Variants in USP22 observed in about 807,000 individuals in gnomAD.
USP22 encodes the protein ubiquitin specific peptidase 22.
In USP22, 22 loss-of-function variants were observed where a neutral mutation model predicts 68.1. The observed-to-expected ratio is 0.32, with a 90% CI of 0.23 to 0.46. USP22 has a LOEUF of 0.46. USP22 is among the 20% of genes least tolerant of loss of function. USP22 has a pLI of 1.00. For missense variants in USP22, 433 were observed against 695.8 expected, an observed-to-expected ratio of 0.62 and a Z score of 4.25; for synonymous variants, 279 against 274.2, an observed-to-expected ratio of 1.02 and a Z score of -0.17.
intron 2 of USP22, 134 bp from the exon 3 acceptor site, chr17:21,021,360 A>T (rs1422644869): frequency 1.5e-6 from 1 of 646,986 alleles, no homozygotes; most frequent in Non-Finnish European, 2.8e-6. Flanking sequence ...ACAAGCAGGG[A>T]AGCCAGTCCA....
chr17:21,011,119 A>G, intron 8 of USP22, 32 bp downstream of exon 8: 1 of 1,550,998 alleles, frequency 6.4e-7, no homozygotes, highest in Non-Finnish European at 8.7e-7. Flanking sequence ...GCCAGGAGAC[A>G]CGCCCCCGCC....
intron 2 of USP22, among the ~76,000 whole-genome samples, chr17:21,027,974 A>G (rs2143612069): frequency 6.6e-6 from 1 of 152,304 alleles, no homozygotes; most frequent in East Asian, 1.9e-4. Context: ...TCTCAAAAAA[A>G]AGAAAAAGCC....
At chr17:21,030,533 A>G (rs1046862229) in intron 1 of USP22, among the ~76,000 whole-genome samples, 1 of 152,218 alleles carries the variant, frequency 6.6e-6, no homozygotes, top group African/African-American at 2.4e-5. Context: ...ACTCTGGCCA[A>G]CGCCACCCTA....
At chr17:21,027,872 G>A (rs1016837928) in intron 2 of USP22, among the ~76,000 whole-genome samples, 4 of 152,148 alleles carry the variant, frequency 2.6e-5, no homozygotes, top group Non-Finnish European at 5.9e-5. Context: ...GGAGGCTGAG[G>A]CAGGAGAACT....
chr17:21,043,302 C>CCCCCCCCCCCCCCCCCCCCCCCCCG (rs1567596616), upstream of USP22: 4 of 47,548 alleles, frequency 8.4e-5, no homozygotes, highest in Non-Finnish European at 2.4e-4. Flanking sequence ...GTAGGCCACC[C>CCCCCCCCCCCCCCCCCCCCCCCCCG]CCCCCCCCCC....
intron 1 of USP22, among the ~76,000 whole-genome samples, chr17:21,039,922 T>C (rs995454688): frequency 6.6e-6 from 1 of 152,034 alleles, no homozygotes; most frequent in Admixed American, 6.6e-5. Flanking sequence ...ACCAAAAATA[T>C]GGCTGGGCTC....
chr17:21,040,240 T>C (rs1360819281), intron 1 of USP22, among the ~76,000 whole-genome samples: 1 of 152,244 alleles, frequency 6.6e-6, no homozygotes, highest in Non-Finnish European at 1.5e-5. Flanking sequence ...ACAGATCTGA[T>C]GGAAATCCTA....
At chr17:21,031,588 CT>C (rs1972292042) in intron 1 of USP22, among the ~76,000 whole-genome samples, 1 of 145,930 alleles carries the variant, frequency 6.9e-6, no homozygotes, top group African/African-American at 2.6e-5. Context: ...CCATTATAGT[CT>C]CTCTCTACTA....
chr17:21,011,183 C>T lies in USP22; in HGVS notation c.1071G>A (p.Ser357=), dbSNP rs1308723884. 9 of 1,609,242 alleles carry T rather than the reference C, an allele frequency of 5.6e-6. No individual in the cohort carries two copies. Among genetic ancestry groups the T allele is most frequent in the African/African-American group, 2.7e-5 (2 of 74,870 alleles). ...GGCAGTCCGTGAGCGTGGTGGTTCC[C>T]GACACGTGGCTTTCCCCGTTTACCA... ...GNVVNGESHV[S]GTTTLTDCLR... Residue 357 remains serine (S), a synonymous_variant, in exon 8 of 13, where the codon TCG becomes TCA. Transcript: ENST00000261497.
Position 21,022,343 on chromosome 17 carries a change from GCTTT to G in USP22, c.305-1121_305-1118del, listed in dbSNP as rs575038139. 4.6e-5 allele frequency among the ~76,000 whole-genome samples: 7 copies of G among 151,256 alleles called. No homozygotes were observed. In the South Asian group the frequency reaches 1.1e-3, roughly 23 times the overall value. On this transcript the variant is annotated intron_variant, in intron 2 of 12. Transcript: ENST00000261497. ...TTTTATGGAAATAAGATCCACTTTT[GCTTT>G]CTTTGTTAAAAGTAATAATTTGTAA...
chr17:21,014,005 C>T (rs1026244449), intron 6 of USP22, among the ~76,000 whole-genome samples: 10 of 152,162 alleles, frequency 6.6e-5, no homozygotes, highest in African/African-American at 1.9e-4. Context: ...ACCTGGGAGG[C>T]GGAGGTTGCA....
chr17:21,012,799 G>C (rs756075552), intron 7 of USP22, 31 bp downstream of exon 7: 8 of 1,595,026 alleles, frequency 5.0e-6, no homozygotes, highest in Admixed American at 3.3e-5. Flanking sequence ...CAGAGGGTTT[G>C]ATATTGCCGA....
chr17:21,021,369 C>T, intron 2 of USP22, 143 bp from the exon 3 acceptor site: 4 of 633,268 alleles, frequency 6.3e-6, no homozygotes, highest in Non-Finnish European at 8.6e-6. Flanking sequence ...GAAGCCAGTC[C>T]AGCGGAGTCT....
intron 4 of USP22, chr17:21,018,346 G>A: frequency 4.7e-6 from 2 of 422,568 alleles, no homozygotes; most frequent in Non-Finnish European, 8.4e-6. Flanking sequence ...TGCTTTGACA[G>A]AATTACACAA....
At position 21,001,218 on chromosome 17, in the gene USP22, CAACAGAAAATG is replaced by C. The variant is rs1490503353; in HGVS notation, c.*1802_*1812del. Reference sequence around the variant, plus strand: ...TGTGAATTCTTTAAGTGCAGAAAAACAACAGAAAATGAACAGAGCACGTGGGCAAGAAACCG... The same window carrying C: ...TGTGAATTCTTTAAGTGCAGAAAAACAACAGAGCACGTGGGCAAGAAACCG... On this transcript the variant is annotated 3_prime_UTR_variant, in exon 13 of 13. Coordinates refer to ENST00000261497, the MANE Select transcript of USP22 (RefSeq NM_015276.2). 1 of 152,116 alleles carries C rather than the reference CAACAGAAAATG, an allele frequency of 6.6e-6. No homozygotes were observed. The highest frequency in any genetic ancestry group is 2.4e-5 in the African/African-American group (1 of 41,422). 9.4% of individuals were successfully genotyped at this position (152,116 alleles called of 1,614,324 possible).
At chr17:21,032,317 TAAAC>T (rs1317788384) in intron 1 of USP22, among the ~76,000 whole-genome samples, 2 of 152,192 alleles carry the variant, frequency 1.3e-5, no homozygotes, top group African/African-American at 4.8e-5. Context: ...ATCCTGTTGT[TAAAC>T]AATGCCAACA....
intron 1 of USP22, among the ~76,000 whole-genome samples, chr17:21,038,595 G>T (rs1297339152): frequency 6.6e-6 from 1 of 151,162 alleles, no homozygotes; most frequent in African/African-American, 2.4e-5. Context: ...TGGACCCCAG[G>T]AACTCGAGGC....
rs1913609055 is a variant in USP22 at position 21,002,247 on chromosome 17, C to T, written c.*784G>A. The stretch of plus-strand genomic sequence containing the variant: ...GGGCGGGCAGCAACATAAACGGCAC[C>T]CATTAAAAAGCAAGACTCGCTCTTG... On this transcript the variant is annotated 3_prime_UTR_variant, in exon 13 of 13. Coordinates refer to ENST00000261497, the MANE Select transcript of USP22 (RefSeq NM_015276.2). 6.6e-6 allele frequency: 1 copy of T among 152,192 alleles called. No homozygotes were observed. 9.4% of individuals were successfully genotyped at this position (152,192 alleles called of 1,614,324 possible). A position where few individuals can be genotyped will look rare whatever the true frequency, so the allele number is the denominator to read the frequency against.
chr17:21,007,081 G>A, intron 9 of USP22, 94 bp from the exon 10 acceptor site: 1 of 1,084,146 alleles, frequency 9.2e-7, no homozygotes, highest in South Asian at 1.6e-5. Context: ...AGGTGTCTGT[G>A]TTATCTCTTT....
Sources: allele counts gnomAD v4.1 joint callset (sites outside exome capture counted in the v4.1 genomes callset), GRCh38; gene constraint gnomAD v4.1.1; transcripts MANE v1.5; gene names NCBI Gene and HGNC (gene_info 2026-07-23, HGNC 2026-07-21).